The following DAB2IP variants were observed in gnomAD, a reference collection of about 807,000 sequenced individuals.
DAB2IP encodes DAB2 interacting protein.
In DAB2IP, 28 loss-of-function variants were observed where a neutral mutation model predicts 107.2. That is an observed-to-expected ratio of 0.26 (90% CI 0.19 to 0.36). The LOEUF (loss-of-function observed/expected upper bound fraction) is 0.36. Ranked by LOEUF, DAB2IP falls within the 10% of genes least tolerant of loss-of-function variation. DAB2IP has a pLI of 1.00. For missense variants in DAB2IP, 1,400 were observed against 1,644.7 expected, an observed-to-expected ratio of 0.85 and a Z score of 2.57; for synonymous variants, 755 against 706.4, an observed-to-expected ratio of 1.07 and a Z score of -1.09.
chr9:121,711,156 G>A (rs1830318913), intron 3 of DAB2IP, among the ~76,000 whole-genome samples: 2 of 152,212 alleles, frequency 1.3e-5, no homozygotes, highest in African/African-American at 4.8e-5. Flanking sequence ...TACCTCTGCT[G>A]CTTATTGTTC....
chr9:121,712,622 G>C (rs2118783730), intron 3 of DAB2IP, among the ~76,000 whole-genome samples: 1 of 152,284 alleles, frequency 6.6e-6, no homozygotes, highest in African/African-American at 2.4e-5. Flanking sequence ...ATGCTAGAAA[G>C]GAGAGTAAGG....
chr9:121,661,551 C>T (rs1457432145), intron 1 of DAB2IP, among the ~76,000 whole-genome samples: 1 of 152,082 alleles, frequency 6.6e-6, no homozygotes, highest in East Asian at 1.9e-4. Context: ...TTTACTAGCA[C>T]AGGGAGTGCT....
In DAB2IP at chr9:121,772,908, C is replaced by T; in HGVS notation, c.2380C>T (p.Leu794=). Residue 794 remains leucine (L), a synonymous_variant, in exon 12 of 16, where the codon CTG becomes TTG. Transcript: ENST00000408936. This position sits in a 1 kb window ranked among gnomAD's most constrained non-coding sequence, Gnocchi z 4.7. ...GCCGGCCCGGGCAACCCCAGTGAAC[C>T]TGGCAGGGCTGGCCACGGTGCGGCG... 1 of 1,566,516 alleles carries T rather than the reference C, an allele frequency of 6.4e-7. No individual in the cohort carries two copies. Among genetic ancestry groups the T allele is most frequent in the Non-Finnish European group, 8.6e-7 (1 of 1,160,642 alleles).
At chr9:121,593,690 C>T (rs755863302) in intron 1 of DAB2IP, among the ~76,000 whole-genome samples, 11 of 121,336 alleles carry the variant, frequency 9.1e-5, no homozygotes, top group East Asian at 2.4e-4. Context: ...TTTTTTGTGA[C>T]GGAGTCTCAC....
exon 16 of DAB2IP, chr9:121,783,045 C>T (rs1835776787): frequency 9.7e-7 from 1 of 1,033,166 alleles, no homozygotes; most frequent in Non-Finnish European, 1.2e-6. Context: ...TCAGTGTCCC[C>T]TGCCTGTCTC....
In DAB2IP at chr9:121,634,716, C is replaced by A. The variant is rs56110826; in HGVS notation, c.41-43962C>A. 6.6e-6 allele frequency among the ~76,000 whole-genome samples: 1 copy of A among 152,064 alleles called. No homozygotes were observed. Among genetic ancestry groups the A allele is most frequent in the Non-Finnish European group, 1.5e-5 (1 of 68,020 alleles). The stretch of plus-strand genomic sequence containing the variant: ...CGGGAGATGTAACTGGGTAGCCTAC[C>A]CAGACCCCTGGCCCTGGTGGTCTAG... On this transcript the variant is annotated intron_variant, in intron 1 of 16. Transcript: ENST00000259371. This position sits in a 1 kb window ranked among gnomAD's most constrained non-coding sequence, Gnocchi z 4.7.
At chr9:121,616,560 G>T (rs1037908490) in intron 1 of DAB2IP, among the ~76,000 whole-genome samples, 2 of 152,200 alleles carry the variant, frequency 1.3e-5, no homozygotes, top group African/African-American at 4.8e-5. Flanking sequence ...TAAAAAGAAT[G>T]TATTTTTTAG....
At chr9:121,595,613 AAAG>A (rs1258680408) in intron 1 of DAB2IP, among the ~76,000 whole-genome samples, 37 of 151,446 alleles carry the variant, frequency 2.4e-4, no homozygotes, top group Non-Finnish European at 4.0e-4. Context: ...AAAAAAAAAA[AAAG>A]AAAAGAAGAA....
At chr9:121,669,676 G>A (rs1193031363) in intron 1 of DAB2IP, among the ~76,000 whole-genome samples, 2 of 152,208 alleles carry the variant, frequency 1.3e-5, no homozygotes, top group African/African-American at 4.8e-5. Flanking sequence ...AGTAGCAGCA[G>A]TCACTGCTTT....
upstream of DAB2IP, among the ~76,000 whole-genome samples, chr9:121,648,114 G>A (rs12554639): frequency 0.21 from 31,954 of 151,948 alleles, 4,176 homozygotes; most frequent in South Asian, 0.41. Context: ...GGGTGGAAAG[G>A]GGGTGAAGGA....
chr9:121,596,110 G>A (rs9409236), intron 1 of DAB2IP, among the ~76,000 whole-genome samples: 34,804 of 151,984 alleles, frequency 0.23, 4,800 homozygotes, highest in Non-Finnish European at 0.31. Context: ...CACCTGAGGC[G>A]GGGAGTTCGA....
At chr9:121,746,409 T>TAA (rs1832726819) in intron 3 of DAB2IP, among the ~76,000 whole-genome samples, 1 of 152,204 alleles carries the variant, frequency 6.6e-6, no homozygotes, top group Non-Finnish European at 1.5e-5. Flanking sequence ...TTTGTGTGTG[T>TAA]GTTTTTAAGG....
At chr9:121,690,972 C>T (rs902129133) in intron 2 of DAB2IP, among the ~76,000 whole-genome samples, 4 of 152,116 alleles carry the variant, frequency 2.6e-5, no homozygotes, top group Non-Finnish European at 5.9e-5. Flanking sequence ...GCTATCCTGC[C>T]CCAGCCAATC....
chr9:121,663,311 C>T (rs1443569079), intron 1 of DAB2IP, among the ~76,000 whole-genome samples: 1 of 152,144 alleles, frequency 6.6e-6, no homozygotes, highest in African/African-American at 2.4e-5. Flanking sequence ...TTGCACTGTC[C>T]TTGCGGAAGG....
chr9:121,712,721 A>C (rs1294907501), intron 3 of DAB2IP, among the ~76,000 whole-genome samples: 1 of 152,162 alleles, frequency 6.6e-6, no homozygotes, highest in Non-Finnish European at 1.5e-5. Flanking sequence ...CCTTGCTCCA[A>C]ACCTTCTGTA....
At chr9:121,675,200 CGCCCCCA>C (rs1279400562) in intron 1 of DAB2IP, among the ~76,000 whole-genome samples, 1 of 152,080 alleles carries the variant, frequency 6.6e-6, no homozygotes, top group Admixed American at 6.5e-5. Context: ...GTGATCTGGG[CGCCCCCA>C]GCATTGCCCC....
intron 3 of DAB2IP, among the ~76,000 whole-genome samples, chr9:121,734,556 G>A (rs1467936571): frequency 6.6e-6 from 1 of 152,236 alleles, no homozygotes; most frequent in East Asian, 1.9e-4. Context: ...CTCATTTCTT[G>A]TTAGCTCGTG....
chr9:121,673,423 T>G (rs1388269724), intron 1 of DAB2IP, among the ~76,000 whole-genome samples: 2 of 152,168 alleles, frequency 1.3e-5, no homozygotes, highest in African/African-American at 4.8e-5. Flanking sequence ...GGTTGTCCTG[T>G]GGGATTACAT....
At chr9:121,768,374 G>A (rs2118997251) in intron 9 of DAB2IP, 58 bp from the exon 10 acceptor site, 3 of 1,585,760 alleles carry the variant, frequency 1.9e-6, no homozygotes, top group Non-Finnish European at 8.7e-7. Flanking sequence ...AGTGGAGGGA[G>A]TTCCTGGGCA....
Sources: gnomAD v4.1 joint callset for allele counts (sites outside exome capture counted in the v4.1 genomes callset) on GRCh38, gnomAD v4.1.1 for gene constraint, Gnocchi (gnomAD v3.1) non-coding constraint, MANE v1.5 for transcripts, NCBI Gene and HGNC (gene_info 2026-07-23, HGNC 2026-07-21) for gene names.